KCNAB1: variants seen among roughly 807,000 people sequenced by gnomAD.
The protein encoded by KCNAB1 is voltage-gated potassium channel subunit beta-1.
In KCNAB1, 35 loss-of-function variants were observed where a neutral mutation model predicts 64.6. The observed-to-expected ratio is 0.54, with a 90% CI of 0.41 to 0.72. The LOEUF (loss-of-function observed/expected upper bound fraction) is 0.72, where lower values mean the gene tolerates loss of function less well. Ranked by LOEUF, KCNAB1 falls within the 30% of genes least tolerant of loss-of-function variation. The pLI, the probability that KCNAB1 is intolerant of heterozygous loss-of-function variation, is 0.00. For synonymous variants in KCNAB1, 177 were observed against 183.8 expected (o/e 0.96, Z 0.30); for missense variants, 401 against 512.9 (o/e 0.78, Z 2.11).
chr3:156,480,762 A>G (rs561871901), intron 8 of KCNAB1, among the ~76,000 whole-genome samples: 46 of 152,102 alleles, frequency 3.0e-4, no homozygotes, highest in Non-Finnish European at 5.9e-4. Flanking sequence ...TTTAATTAGG[A>G]TCAGCCACAT....
At chr3:156,440,617 A>T (rs1303256796) in intron 2 of KCNAB1, among the ~76,000 whole-genome samples, 9 of 152,234 alleles carry the variant, frequency 5.9e-5, no homozygotes, top group Admixed American at 5.9e-4. Context: ...AATTACTGCA[A>T]AGGGAAGAAA....
rs1232354022 is a variant in KCNAB1 at position 156,537,907 on chromosome 3, C to G, written c.*1160C>G. On this transcript the variant is annotated 3_prime_UTR_variant, in exon 14 of 14. Transcript: ENST00000490337. ...GAATATGCTGGGTAAATTGACTTGCCTAGTGAAAAGCAAAATGTTAAAGAA... is the reference window on the plus strand; with the variant it reads ...GAATATGCTGGGTAAATTGACTTGCGTAGTGAAAAGCAAAATGTTAAAGAA... 2 of 152,258 alleles carry G rather than the reference C, an allele frequency of 1.3e-5. No individual in the cohort carries two copies. The highest frequency in any genetic ancestry group is 3.9e-4 in the East Asian group (2 of 5,182). 9.4% of individuals were successfully genotyped at this position (152,258 alleles called of 1,614,324 possible).
At chr3:156,506,725 C>G (rs11716908) in intron 8 of KCNAB1, among the ~76,000 whole-genome samples, 33,036 of 152,112 alleles carry the variant, frequency 0.22, 3,811 homozygotes, top group African/African-American at 0.3. Flanking sequence ...TGTTCTGATT[C>G]AGAATCAGTT....
chr3:156,135,999 C>T (rs908612405), intron 1 of KCNAB1, among the ~76,000 whole-genome samples: 2 of 152,190 alleles, frequency 1.3e-5, no homozygotes, highest in Non-Finnish European at 2.9e-5. Flanking sequence ...AAAGCCATCC[C>T]CATCCATTTT....
intron 8 of KCNAB1, among the ~76,000 whole-genome samples, chr3:156,495,441 G>T (rs1416449028): frequency 1.3e-5 from 2 of 152,126 alleles, no homozygotes; most frequent in Non-Finnish European, 2.9e-5. Flanking sequence ...TATGTTCACT[G>T]CAGCACTATT....
At chr3:156,192,288 G>T (rs1713609255) in intron 1 of KCNAB1, among the ~76,000 whole-genome samples, 1 of 152,052 alleles carries the variant, frequency 6.6e-6, no homozygotes, top group Non-Finnish European at 1.5e-5. Flanking sequence ...GTTTTAAATT[G>T]CCATTAACAT....
At chr3:156,259,587 C>T (rs894651467) in intron 1 of KCNAB1, among the ~76,000 whole-genome samples, 5 of 152,176 alleles carry the variant, frequency 3.3e-5, no homozygotes, top group African/African-American at 9.7e-5. Flanking sequence ...GAAACAGGAG[C>T]GTTGCTAGTT....
chr3:156,478,016 A>G (rs919559758), intron 8 of KCNAB1, among the ~76,000 whole-genome samples: 4 of 152,202 alleles, frequency 2.6e-5, no homozygotes, highest in African/African-American at 4.8e-5. Flanking sequence ...TACAGAAGGC[A>G]AATGTTATTT....
At chr3:156,262,550 C>A (rs1718490136) in intron 1 of KCNAB1, among the ~76,000 whole-genome samples, 1 of 151,662 alleles carries the variant, frequency 6.6e-6, no homozygotes, top group African/African-American at 2.4e-5. Flanking sequence ...GCCTATAATC[C>A]TTTTACAAGT....
chr3:156,222,190 C>A (rs1715814587), intron 1 of KCNAB1, among the ~76,000 whole-genome samples: 1 of 152,122 alleles, frequency 6.6e-6, no homozygotes, highest in Admixed American at 6.5e-5. Flanking sequence ...ACTCACCTAA[C>A]ATATGAGGAC....
intron 1 of KCNAB1, 77 bp downstream of exon 1, chr3:156,120,963 C>T: frequency 6.5e-7 from 1 of 1,534,642 alleles, no homozygotes; most frequent in African/African-American, 1.4e-5. Flanking sequence ...GATTTCTTTT[C>T]CTCTGCAGCT....
chr3:156,436,163 T>C (rs760278673), intron 2 of KCNAB1, among the ~76,000 whole-genome samples: 4 of 152,056 alleles, frequency 2.6e-5, no homozygotes, highest in Non-Finnish European at 5.9e-5. Context: ...AGTGAGAACA[T>C]GTGGTGTTTG....
chr3:156,308,627 T>G (rs551524379), intron 1 of KCNAB1, among the ~76,000 whole-genome samples: 1 of 152,316 alleles, frequency 6.6e-6, no homozygotes, highest in African/African-American at 2.4e-5. Context: ...AGCCTTGAGT[T>G]TGAATCCAGC....
rs1281492506 is a variant in KCNAB1, at chr3:156,271,440, C to CT, written c.276-150170dup. The stretch of plus-strand genomic sequence containing the variant: ...TAGCCTGTCTTCTAGCTTATTATTT[C>CT]TTTTTTCTGCTTGATCAATTCTGCT... On this transcript the variant is annotated intron_variant, in intron 1 of 13. Coordinates refer to ENST00000490337, the MANE Select transcript of KCNAB1 (RefSeq NM_172160.3). 2.0e-5 allele frequency among the ~76,000 whole-genome samples: 3 copies of CT among 151,974 alleles called. No homozygotes were observed. The East Asian group carries it at 5.8e-4, about 29-fold the overall frequency.
At chr3:156,483,740 A>T (rs1395796279) in intron 8 of KCNAB1, among the ~76,000 whole-genome samples, 7 of 152,248 alleles carry the variant, frequency 4.6e-5, no homozygotes, top group African/African-American at 1.4e-4. Context: ...AGGTCCGGCA[A>T]ATCTTCCAGG....
At chr3:156,458,949 G>T (rs1381695801) in intron 4 of KCNAB1, among the ~76,000 whole-genome samples, 2 of 152,178 alleles carry the variant, frequency 1.3e-5, no homozygotes, top group Admixed American at 1.3e-4. Flanking sequence ...TTGTCTCTTT[G>T]GGGCATGCTC....
At chr3:156,142,145 A>G (rs1049834670) in intron 1 of KCNAB1, among the ~76,000 whole-genome samples, 25 of 152,118 alleles carry the variant, frequency 1.6e-4, no homozygotes, top group Non-Finnish European at 2.9e-4. Context: ...TATGTTCTAG[A>G]TATAAGTCTT....
chr3:156,371,021 T>TG (rs924510828), intron 1 of KCNAB1, among the ~76,000 whole-genome samples: 2 of 152,208 alleles, frequency 1.3e-5, no homozygotes, highest in Non-Finnish European at 2.9e-5. Flanking sequence ...CTGTGTTCCA[T>TG]GGTACAAACC....
chr3:156,437,498 C>T (rs1037986231), intron 2 of KCNAB1, among the ~76,000 whole-genome samples: 5 of 152,158 alleles, frequency 3.3e-5, no homozygotes, highest in Admixed American at 6.5e-5. Flanking sequence ...TTCTGCATGG[C>T]ACCAGTGGGA....
Sources: gnomAD v4.1 joint callset for allele counts (sites outside exome capture counted in the v4.1 genomes callset) on GRCh38, gnomAD v4.1.1 for gene constraint, MANE v1.5 for transcripts, NCBI Gene and HGNC (gene_info 2026-07-23, HGNC 2026-07-21) for gene names.